Variants in CYC1 observed in about 807,000 individuals in gnomAD.
CYC1 encodes the protein cytochrome c1.
A neutral mutation model predicts 33.8 loss-of-function variants in CYC1; 10 were observed. The ratio of observed to expected loss-of-function variants is 0.30; its 90% confidence interval spans 0.18 to 0.50. The LOEUF is 0.50. CYC1 is among the 20% of genes least tolerant of loss of function. The pLI, the probability that CYC1 is intolerant of heterozygous loss-of-function variation, is 0.98. For synonymous variants in CYC1, 224 were observed against 181.9 expected (o/e 1.23, Z -1.86); for missense variants, 459 against 437.6 (o/e 1.05, Z -0.44).
At chr8:144,095,405 C>T (rs918917798) in intron 1 of CYC1, 177 bp downstream of exon 1, 4 of 496,058 alleles carry the variant, frequency 8.1e-6, no homozygotes, top group African/African-American at 6.1e-5. Flanking sequence ...GCGCCCACCT[C>T]TCCGAACGGC....
rs764152487 is a variant in CYC1, at chr8:144,097,215, G to A, written c.874-17G>A. 8 of 1,613,736 alleles carry A rather than the reference G, an allele frequency of 5.0e-6. No individual in the cohort carries two copies. The highest frequency in any genetic ancestry group is 6.8e-6 in the Non-Finnish European group (8 of 1,179,658). On this transcript the variant is annotated splice_polypyrimidine_tract_variant and intron_variant, in intron 6 of 6. Transcript: ENST00000318911. The stretch of plus-strand genomic sequence containing the variant: ...GGCTCCTCCCCACTCCCTTCTCTGA[G>A]CCTTCCTTGTCTGCAGATGTTGATG...
chr8:144,095,330 A>G, intron 1 of CYC1, 102 bp downstream of exon 1: 2 of 1,024,610 alleles, frequency 2.0e-6, no homozygotes, highest in Admixed American at 4.6e-5. Context: ...CGGAAGCGGT[A>G]CCGGCCACCC....
In CYC1 at chr8:144,097,340, T is replaced by C. The variant is rs767446591; in HGVS notation, c.*4T>C. 3 of 1,612,760 alleles carry C rather than the reference T, an allele frequency of 1.9e-6. No individual in the cohort carries two copies. In the South Asian group the frequency reaches 3.3e-5, roughly 18 times the overall value. On this transcript the variant is annotated 3_prime_UTR_variant, in exon 7 of 7. Transcript: ENST00000318911. ...GGCATATCGGCCGCCCAAGTGACCC[T>C]GTCCAGTGTCTGCTTGCCATCCTGC...
intron 1 of CYC1, chr8:144,095,587 C>A: frequency 1.8e-6 from 1 of 553,678 alleles, no homozygotes; most frequent in Non-Finnish European, 3.1e-6. Context: ...TGACCTTGGC[C>A]TGTCCCAGCA....
chr8:144,097,447 A>C lies in CYC1; in HGVS notation c.*111A>C. On this transcript the variant is annotated 3_prime_UTR_variant, in exon 7 of 7. Coordinates refer to ENST00000318911, the MANE Select transcript of CYC1 (RefSeq NM_001916.5). Reference sequence around the variant, plus strand: ...CCTCTCTTCATCTGGAAGAAGAGGCAAGGGGGCAGGAGACCAGGCTCTAGC... The same window carrying C: ...CCTCTCTTCATCTGGAAGAAGAGGCCAGGGGGCAGGAGACCAGGCTCTAGC... 1.2e-6 allele frequency: 1 copy of C among 840,310 alleles called. No individual in the cohort carries two copies. The highest frequency in any genetic ancestry group is 1.9e-6 in the Non-Finnish European group (1 of 526,624). 52.1% of individuals were successfully genotyped at this position (840,310 alleles called of 1,614,324 possible).
Position 144,097,168 on chromosome 8 carries a change from A to G in CYC1, c.873+34A>G, listed in dbSNP as rs755733810. On this transcript the variant is annotated intron_variant, in intron 6 of 6. Transcript: ENST00000318911. ...GTTGGGAGGCCATGGTGGGTATCAG[A>G]GAAGGGCTGGGAGCTGGGCAGGGCT... The G allele has an allele frequency of 6.5e-5, 104 of 1,611,478 alleles. 2 individuals carry two copies. In the South Asian group the frequency reaches 1.1e-3, roughly 17 times the overall value.
chr8:144,097,384 C>G lies in CYC1; in HGVS notation c.*48C>G. On this transcript the variant is annotated 3_prime_UTR_variant, in exon 7 of 7. Transcript: ENST00000318911. Reference sequence around the variant, plus strand: ...ATCCTGCCAGAACAGGCCCTCAAGCCCAAGAGCCATCCCAGGCCTGTTCAG... The same window carrying G: ...ATCCTGCCAGAACAGGCCCTCAAGCGCAAGAGCCATCCCAGGCCTGTTCAG... 1 of 1,535,528 alleles carries G rather than the reference C, an allele frequency of 6.5e-7. No individual in the cohort carries two copies.
At position 144,096,323 on chromosome 8, in the gene CYC1, G is replaced by A. The variant is rs1489566234; in HGVS notation, c.454-14G>A. On this transcript the variant is annotated splice_polypyrimidine_tract_variant and intron_variant, in intron 3 of 6. Coordinates refer to ENST00000318911, the MANE Select transcript of CYC1 (RefSeq NM_001916.5). ...GTTGAGATGGCAGGGTTGTGATGAG[G>A]CTCTCGGTGGCAGGTGGAGGTTCAA... The A allele has an allele frequency of 1.2e-6, 2 of 1,613,892 alleles. No individual in the cohort carries two copies. The highest frequency in any genetic ancestry group is 1.7e-6 in the Non-Finnish European group (2 of 1,179,990).
chr8:144,097,093 T>A lies in CYC1; in HGVS notation c.832T>A (p.Ser278Thr). 1 of 1,612,040 alleles carries A rather than the reference T, an allele frequency of 6.2e-7. No individual in the cohort carries two copies. The highest frequency in any genetic ancestry group is 8.5e-7 in the Non-Finnish European group (1 of 1,179,034). The change falls in exon 6 of 7, where the codon TCT (serine) becomes ACT (threonine). Residue 278 changes from serine to threonine, a missense_variant. By Grantham distance (58) the Ser-to-Thr change is moderately conservative. Coordinates refer to ENST00000318911, the MANE Select transcript of CYC1 (RefSeq NM_001916.5). Reference sequence around the variant, plus strand: ...TGTGTGCACCTTCCTGCGCTGGGCATCTGAGCCAGAGCACGACCATCGAAA... The same window carrying A: ...TGTGTGCACCTTCCTGCGCTGGGCAACTGAGCCAGAGCACGACCATCGAAA... ...KDVCTFLRWA[S>T]EPEHDHRKRM...
intron 2 of CYC1, 33 bp from the exon 3 acceptor site, chr8:144,096,091 C>T (rs1836146225): frequency 1.2e-6 from 2 of 1,607,164 alleles, no homozygotes; most frequent in East Asian, 2.2e-5. Flanking sequence ...AAGGTGGAAT[C>T]TTCAGCTTTC....
intron 1 of CYC1, 114 bp downstream of exon 1, chr8:144,095,342 G>A (rs1836128007): frequency 2.1e-6 from 2 of 940,420 alleles, no homozygotes; most frequent in Non-Finnish European, 2.7e-6. Flanking sequence ...CGGCCACCCA[G>A]CGTCCCCGGT....
At chr8:144,095,494 G>A in intron 1 of CYC1, 3 of 443,366 alleles carry the variant, frequency 6.8e-6, no homozygotes, top group Non-Finnish European at 1.2e-5. Context: ...CGAATGGCGC[G>A]CCCAGGACGG....
rs1350058510 is a variant in CYC1 at position 144,097,410 on chromosome 8, G to A, written c.*74G>A. On this transcript the variant is annotated 3_prime_UTR_variant, in exon 7 of 7. Transcript: ENST00000318911. ...CAAGAGCCATCCCAGGCCTGTTCAG[G>A]CCTCAGCTAAGCCTCTCTTCATCTG... 2.3e-6 allele frequency: 3 copies of A among 1,295,522 alleles called. No individual in the cohort carries two copies. The highest frequency in any genetic ancestry group is 3.7e-5 in the Admixed American group (2 of 53,868). 80.3% of individuals were successfully genotyped at this position (1,295,522 alleles called of 1,614,324 possible). A position where few individuals can be genotyped will look rare whatever the true frequency, so the allele number is the denominator to read the frequency against.
rs1298871730 is a variant in CYC1, at chr8:144,097,026, T to C, written c.773-8T>C. The C allele has an allele frequency of 2.5e-6, 4 of 1,598,912 alleles. No homozygotes were observed. The highest frequency in any genetic ancestry group is 2.3e-5 in the East Asian group (1 of 44,444). ...TGAGAATAGCCCTCACTGCTTGTCG[T>C]TGGCCAGGCACCCCAGCTACCATGT... On this transcript the variant is annotated splice_polypyrimidine_tract_variant and splice_region_variant and intron_variant, in intron 5 of 6. Transcript: ENST00000318911.
At position 144,096,036 on chromosome 8, in the gene CYC1, A is replaced by AGCTGGCTG. The variant is rs748482749; in HGVS notation, c.326+18_326+25dup. On this transcript the variant is annotated splice_region_variant and intron_variant, in intron 2 of 6. Coordinates refer to ENST00000318911, the MANE Select transcript of CYC1 (RefSeq NM_001916.5). ...CTTCCTTGGACCACACCAGGTGTGC[A>AGCTGGCTG]GCTGGCTGGCTGGCTGGCAGCGGGA... is the stretch of plus-strand genomic sequence containing the variant. The AGCTGGCTG allele has an allele frequency of 1.9e-6, 3 of 1,598,818 alleles. No homozygotes were observed. The highest frequency in any genetic ancestry group is 1.1e-5 in the South Asian group (1 of 90,754).
rs756210302 is a variant in CYC1 at position 144,095,993 on chromosome 8, C to T, written c.290C>T (p.Ser97Phe). Residue 97 changes from serine (S) to phenylalanine (F), a missense_variant, in exon 2 of 7, where the codon TCT becomes TTT. By Grantham distance (155) the Ser-to-Phe change is radical (BLOSUM62 -2). Transcript: ENST00000318911. Reference sequence around the variant, plus strand: ...CTGCACCCCCCCAGCTATCCGTGGTCTCACCGTGGCCTCCTCTCTTCCTTG... The same window carrying T: ...CTGCACCCCCCCAGCTATCCGTGGTTTCACCGTGGCCTCCTCTCTTCCTTG... ...LELHPPSYPWSHRGLLSSLDH... is the reference protein window; with the variant it reads ...LELHPPSYPWFHRGLLSSLDH... 9 of 1,605,876 alleles carry T rather than the reference C, an allele frequency of 5.6e-6. No individual in the cohort carries two copies. Among genetic ancestry groups the T allele is most frequent in the South Asian group, 2.2e-5 (2 of 90,970 alleles).
chr8:144,096,551 C>T (rs1836158481), intron 4 of CYC1, 33 bp from the exon 5 acceptor site: 1 of 1,613,912 alleles, frequency 6.2e-7, no homozygotes. Context: ...CTGACTTGTG[C>T]TTGGAACTAA....
rs1235166309 is a variant in CYC1, at chr8:144,095,870, G to A, written c.167G>A (p.Gly56Asp). The A allele has an allele frequency of 1.9e-6, 3 of 1,608,794 alleles. No individual in the cohort carries two copies. Among genetic ancestry groups the A allele is most frequent in the Non-Finnish European group, 2.5e-6 (3 of 1,179,784 alleles). The change falls in exon 2 of 7, where the codon GGC becomes GAC. Residue 56 changes from glycine (G) to aspartate (D), a missense_variant. By Grantham distance (94) the Gly-to-Asp change is moderately conservative. Coordinates refer to ENST00000318911, the MANE Select transcript of CYC1 (RefSeq NM_001916.5). ...TCGTCGAAGTCTGGCCTTTCCCGAG[G>A]CCGGAAAGTGATGCTGTCAGCGCTG... is the stretch of plus-strand genomic sequence containing the variant. ...ALSSKSGLSRGRKVMLSALGM... is the reference protein window; with the variant it reads ...ALSSKSGLSRDRKVMLSALGM...
Position 144,096,208 on chromosome 8 carries a change from C to T in CYC1, c.411C>T (p.Gly137=), listed in dbSNP as rs761104284. 6 of 1,613,948 alleles carry T rather than the reference C, an allele frequency of 3.7e-6. No individual in the cohort carries two copies. The highest frequency in any genetic ancestry group is 5.1e-6 in the Non-Finnish European group (6 of 1,179,996). ...TCGTGGCCTACCGCCACCTGGTGGG[C>T]GTGTGCTACACGGAGGATGAAGCTA... The part of the protein sequence containing the change: ...MDFVAYRHLV[G]VCYTEDEAKE... Residue 137 remains glycine (G), a synonymous_variant, in exon 3 of 7, where the codon GGC becomes GGT. Transcript: ENST00000318911.
Sources: gnomAD v4.1 joint callset for allele counts on GRCh38, gnomAD v4.1.1 for gene constraint, MANE v1.5 for transcripts, NCBI Gene and HGNC (gene_info 2026-07-23, HGNC 2026-07-21) for gene names.